Variants in XXYLT1 observed in about 807,000 individuals in gnomAD.
XXYLT1 encodes xyloside xylosyltransferase 1.
In XXYLT1, 20 loss-of-function variants were observed where a neutral mutation model predicts 28.9. The observed-to-expected ratio is 0.69, with a 90% CI of 0.49 to 1.00. The LOEUF is 1.00. XXYLT1 is among the 50% of genes least tolerant of loss of function. The probability of loss-of-function intolerance (pLI) is 0.00; values close to 1 mark genes in which losing one functional copy is unlikely to be tolerated. For missense variants in XXYLT1, 542 were observed against 560.1 expected (o/e 0.97, Z 0.33); for synonymous variants, 257 against 253.8 (o/e 1.01, Z -0.12).
chr3:195,262,399 G>A (rs1725723427), intron 1 of XXYLT1, among the ~76,000 whole-genome samples: 1 of 152,170 alleles, frequency 6.6e-6, no homozygotes, highest in African/African-American at 2.4e-5. Flanking sequence ...AGAATCAGTG[G>A]TCATAGCTGT....
At chr3:195,082,978 G>A (rs1162755914) in intron 3 of XXYLT1, among the ~76,000 whole-genome samples, 1 of 152,202 alleles carries the variant, frequency 6.6e-6, no homozygotes, top group Non-Finnish European at 1.5e-5. Flanking sequence ...AGATAAAGTT[G>A]CAAACTTAAG....
At chr3:195,223,904 C>T (rs1397586891) in intron 2 of XXYLT1, among the ~76,000 whole-genome samples, 1 of 152,176 alleles carries the variant, frequency 6.6e-6, no homozygotes, top group East Asian at 1.9e-4. Context: ...TGCCTGTAAT[C>T]CCAGCACTTT....
Position 195,256,002 on chromosome 3 carries a change from G to A in XXYLT1, c.504+14553C>T, listed in dbSNP as rs1725462761. Reference sequence around the variant, plus strand: ...GGCAGCCCTGGGATTCCCCTGTTCTGTGCCACCCAGCTGACCAGGGGAAGA... The same window carrying A: ...GGCAGCCCTGGGATTCCCCTGTTCTATGCCACCCAGCTGACCAGGGGAAGA... On this transcript the variant is annotated intron_variant, in intron 1 of 3. Transcript: ENST00000310380. The surrounding 1 kb of genome is among the most constrained non-coding windows in gnomAD (Gnocchi z 4.2). 6.6e-6 allele frequency among the ~76,000 whole-genome samples: 1 copy of A among 152,172 alleles called. No homozygotes were observed. The highest frequency in any genetic ancestry group is 2.1e-4 in the South Asian group (1 of 4,834).
intron 1 of XXYLT1, among the ~76,000 whole-genome samples, chr3:195,265,973 C>G (rs1279218044): frequency 6.6e-6 from 1 of 152,160 alleles, no homozygotes; most frequent in Non-Finnish European, 1.5e-5. Flanking sequence ...TCTGTCAAAC[C>G]TGATCTGGCA....
intron 3 of XXYLT1, among the ~76,000 whole-genome samples, chr3:195,103,809 G>C (rs1716941734): frequency 6.6e-6 from 1 of 152,184 alleles, no homozygotes; most frequent in Admixed American, 6.5e-5. Context: ...TGACCTCATG[G>C]AATAAAAGAC....
rs767027930 is a variant in XXYLT1 at position 195,270,760 on chromosome 3, T to C, written c.299A>G (p.His100Arg). Residue 100 changes from histidine to arginine, a missense_variant, in exon 1 of 4, where the codon CAC becomes CGC. His to Arg is a conservative substitution (Grantham distance 29). Transcript: ENST00000310380. Reference sequence around the variant, plus strand: ...CGCCTTGGTGAACATCATCAGCAGGTGGTAGTCCACCGGCCCGGCACCGCC... The same window carrying C: ...CGCCTTGGTGAACATCATCAGCAGGCGGTAGTCCACCGGCCCGGCACCGCC... ...EGGGAGPVDYHLLMMFTKAEH... is the reference protein window; with the variant it reads ...EGGGAGPVDYRLLMMFTKAEH... 208 of 1,582,888 alleles carry C rather than the reference T, an allele frequency of 1.3e-4. No individual in the cohort carries two copies. The highest frequency in any genetic ancestry group is 1.8e-4 in the Non-Finnish European group (205 of 1,169,142).
At chr3:195,122,161 GTC>G (rs1162019704) in intron 3 of XXYLT1, 2 of 702,792 alleles carry the variant, frequency 2.8e-6, no homozygotes, top group Non-Finnish European at 5.2e-6. Context: ...GCTCTTCAGG[GTC>G]TCTTTCATCA....
chr3:195,082,896 A>C lies in XXYLT1; in HGVS notation c.786-12785T>G, dbSNP rs75974545. Among the ~76,000 whole-genome samples the C allele has an allele frequency of 1.8e-3, 275 of 152,126 alleles. 2 individuals are homozygous for C. The East Asian group carries it at 0.022, about 12-fold the overall frequency. The stretch of plus-strand genomic sequence containing the variant: ...GCCATAAGGCACCCCCCCTGCCAAG[A>C]GCCAACAGTGAGGTGCCAGGTCACA... On this transcript the variant is annotated intron_variant, in intron 3 of 3. Transcript: ENST00000310380.
At chr3:195,119,615 C>T (rs1035040739) in intron 3 of XXYLT1, among the ~76,000 whole-genome samples, 2 of 152,076 alleles carry the variant, frequency 1.3e-5, no homozygotes, top group Non-Finnish European at 2.9e-5. Flanking sequence ...GACAATGAAG[C>T]GATGGCTGGA....
chr3:195,187,493 T>TA (rs2108747310), intron 2 of XXYLT1, among the ~76,000 whole-genome samples: 2 of 152,356 alleles, frequency 1.3e-5, no homozygotes, highest in Non-Finnish European at 2.9e-5. Flanking sequence ...TGTATAGTGC[T>TA]ATGAGGAGCC....
chr3:195,132,694 G>A (rs114775139), intron 3 of XXYLT1, among the ~76,000 whole-genome samples: 1,651 of 152,322 alleles, frequency 0.011, 16 homozygotes, highest in Middle Eastern at 0.044. Flanking sequence ...GAGCCAAGGA[G>A]GAACGCCACG....
At chr3:195,237,558 G>C (rs1394276824) in intron 1 of XXYLT1, among the ~76,000 whole-genome samples, 1 of 151,826 alleles carries the variant, frequency 6.6e-6, no homozygotes, top group Non-Finnish European at 1.5e-5. Flanking sequence ...TGCTTTTTTG[G>C]TGTAGATCGT....
chr3:195,180,226 C>CG lies in XXYLT1; in HGVS notation c.653-23646_653-23645insC. The CG allele has an allele frequency of 1.3e-6, 1 of 787,912 alleles. No homozygotes were observed. Among genetic ancestry groups the CG allele is most frequent in the Non-Finnish European group, 1.5e-6 (1 of 649,932 alleles). The allele number at this position is 787,912 out of a possible 1,614,324, so 48.8% of individuals were successfully genotyped here. A position where few individuals can be genotyped will look rare whatever the true frequency, so the allele number is the denominator to read the frequency against. On this transcript the variant is annotated intron_variant, in intron 2 of 3. Transcript: ENST00000310380. The surrounding 1 kb of genome is among the most constrained non-coding windows in gnomAD (Gnocchi z 5.8). ...CACAGTCATTTCTAACGCCAGATCC[C>CG]CGTCTCTGCACTGACACCGGGGGTG...
intron 3 of XXYLT1, among the ~76,000 whole-genome samples, chr3:195,134,817 G>C (rs1450018610): frequency 6.7e-6 from 1 of 150,008 alleles, no homozygotes; most frequent in Non-Finnish European, 1.5e-5. Context: ...GCATCATGGC[G>C]TGAAGAGGGG....
intron 2 of XXYLT1, among the ~76,000 whole-genome samples, chr3:195,166,956 C>T (rs1449546875): frequency 1.3e-5 from 2 of 152,174 alleles, no homozygotes; most frequent in African/African-American, 4.8e-5. Context: ...GGATTACAGG[C>T]GTGAGCCACC....
chr3:195,135,868 C>T (rs1431182782), intron 3 of XXYLT1, among the ~76,000 whole-genome samples: 1 of 152,122 alleles, frequency 6.6e-6, no homozygotes. Context: ...TAGTGCTTCC[C>T]TAGGGTAAGA....
At chr3:195,146,541 G>T (rs1719860831) in intron 3 of XXYLT1, among the ~76,000 whole-genome samples, 1 of 152,184 alleles carries the variant, frequency 6.6e-6, no homozygotes, top group Non-Finnish European at 1.5e-5. Flanking sequence ...GCAAATGCCT[G>T]CCCAGTGAGC....
chr3:195,232,398 A>G (rs1316817520), intron 1 of XXYLT1, among the ~76,000 whole-genome samples: 2 of 151,600 alleles, frequency 1.3e-5, no homozygotes, highest in Admixed American at 6.6e-5. Context: ...TTCTGCTCTA[A>G]TTTTTATTAC....
At chr3:195,117,142 CAT>C (rs1718089158) in intron 3 of XXYLT1, among the ~76,000 whole-genome samples, 1 of 148,296 alleles carries the variant, frequency 6.7e-6, no homozygotes. Flanking sequence ...CACACACACA[CAT>C]CCCCTTCAGC....
Sources: allele counts gnomAD v4.1 joint callset (sites outside exome capture counted in the v4.1 genomes callset), GRCh38; gene constraint gnomAD v4.1.1; non-coding constraint Gnocchi (gnomAD v3.1); transcripts MANE v1.5; gene names NCBI Gene and HGNC (gene_info 2026-07-23, HGNC 2026-07-21).